The following SDK1 variants were observed in gnomAD, a reference collection of about 807,000 sequenced individuals.
SDK1 encodes sidekick cell adhesion molecule 1.
In SDK1, 157 loss-of-function variants were observed where a neutral mutation model predicts 245.5. The observed-to-expected ratio is 0.64, with a 90% CI of 0.56 to 0.73. The LOEUF is 0.73. Among genes scored for constraint, SDK1 ranks in the 30% least tolerant of loss-of-function variants. The pLI, the probability that SDK1 is intolerant of heterozygous loss-of-function variation, is 0.00. For synonymous variants in SDK1, 1,647 were observed against 1,278.5 expected (o/e 1.29, Z -6.15); for missense variants, 3,583 against 3,002.3 (o/e 1.19, Z -4.52).
intron 1 of SDK1, among the ~76,000 whole-genome samples, chr7:3,392,746 CATG>C (rs1213541309): frequency 6.6e-6 from 1 of 151,968 alleles, no homozygotes; most frequent in African/African-American, 2.4e-5. Flanking sequence ...ATTTTATTTT[CATG>C]ATGTTTTCAA....
intron 2 of SDK1, among the ~76,000 whole-genome samples, chr7:3,627,288 A>G (rs1170493719): frequency 2.0e-5 from 3 of 152,142 alleles, no homozygotes; most frequent in African/African-American, 7.2e-5. Context: ...CTTCCAGGTG[A>G]TGTAATAGCT....
At chr7:4,004,995 A>G (rs900338829) in intron 14 of SDK1, among the ~76,000 whole-genome samples, 1 of 145,022 alleles carries the variant, frequency 6.9e-6, no homozygotes, top group Non-Finnish European at 1.5e-5. Flanking sequence ...CCCAAGTCCT[A>G]GATTAGGATT....
intron 2 of SDK1, among the ~76,000 whole-genome samples, chr7:3,619,815 A>G (rs1349422858): frequency 1.3e-5 from 2 of 152,224 alleles, no homozygotes; most frequent in Admixed American, 6.5e-5. Flanking sequence ...TGGGGTGGAC[A>G]TGATGTGGGG....
chr7:3,449,968 C>A (rs1780461948), intron 1 of SDK1, among the ~76,000 whole-genome samples: 2 of 152,160 alleles, frequency 1.3e-5, no homozygotes, highest in Admixed American at 1.3e-4. Flanking sequence ...ATCAGACTGG[C>A]TGTTGGGGGG....
intron 1 of SDK1, among the ~76,000 whole-genome samples, chr7:3,515,215 C>G (rs1782706196): frequency 6.6e-6 from 1 of 152,136 alleles, no homozygotes; most frequent in Admixed American, 6.6e-5. Context: ...TGAATACTGA[C>G]TCTGAGCCCA....
intron 13 of SDK1, among the ~76,000 whole-genome samples, chr7:3,977,821 C>T (rs1047827359): frequency 6.6e-6 from 1 of 152,190 alleles, no homozygotes; most frequent in African/African-American, 2.4e-5. Context: ...GTTGTATAAC[C>T]GTTGTTCAAT....
intron 1 of SDK1, among the ~76,000 whole-genome samples, chr7:3,585,839 T>TA (rs1331361324): frequency 6.6e-6 from 1 of 152,094 alleles, no homozygotes; most frequent in African/African-American, 2.4e-5. Flanking sequence ...AGCGAGGAAA[T>TA]AAATCTGTTT....
At chr7:3,456,961 G>A (rs1418674261) in intron 1 of SDK1, among the ~76,000 whole-genome samples, 1 of 152,120 alleles carries the variant, frequency 6.6e-6, no homozygotes, top group Non-Finnish European at 1.5e-5. Flanking sequence ...TTGTTCATCT[G>A]CTGCCGATAG....
At chr7:4,247,614 G>C (rs192426189) in intron 44 of SDK1, among the ~76,000 whole-genome samples, 2 of 152,226 alleles carry the variant, frequency 1.3e-5, no homozygotes, top group African/African-American at 4.8e-5. Flanking sequence ...TGCCGCTGCC[G>C]GGCCGCTGCT....
At chr7:4,219,961 A>G (rs1785047831) in intron 38 of SDK1, 148 bp from the exon 39 acceptor site, 3 of 885,966 alleles carry the variant, frequency 3.4e-6, no homozygotes, top group Non-Finnish European at 4.9e-6. Flanking sequence ...AAAATTGGCT[A>G]TTACCACCAT....
chr7:3,686,484 T>C (rs1488317400), intron 4 of SDK1, among the ~76,000 whole-genome samples: 2 of 152,224 alleles, frequency 1.3e-5, no homozygotes, highest in African/African-American at 4.8e-5. Context: ...ACTCATGGGC[T>C]GTACAAGGAC....
intron 1 of SDK1, among the ~76,000 whole-genome samples, chr7:3,476,870 T>G (rs553778498): frequency 6.6e-6 from 1 of 152,166 alleles, no homozygotes; most frequent in East Asian, 1.9e-4. Context: ...AAGAGATGGG[T>G]GTATAACTAG....
chr7:3,975,868 G>C (rs529443087), intron 13 of SDK1, among the ~76,000 whole-genome samples: 5 of 152,258 alleles, frequency 3.3e-5, no homozygotes, highest in South Asian at 4.1e-4. Flanking sequence ...GGCGGCAGTG[G>C]TGCGGGGGTC....
intron 1 of SDK1, among the ~76,000 whole-genome samples, chr7:3,570,550 G>A (rs1379542063): frequency 6.6e-6 from 1 of 152,110 alleles, no homozygotes; most frequent in Non-Finnish European, 1.5e-5. Flanking sequence ...TGGATGAGGA[G>A]GTTTCCCATT....
intron 40 of SDK1, among the ~76,000 whole-genome samples, chr7:4,229,315 C>G (rs1434899102): frequency 6.6e-6 from 1 of 151,964 alleles, no homozygotes; most frequent in Non-Finnish European, 1.5e-5. Context: ...GGAAAATATG[C>G]TAATTTGGGA....
At chr7:3,699,534 C>T (rs1784679714) in intron 4 of SDK1, among the ~76,000 whole-genome samples, 1 of 151,986 alleles carries the variant, frequency 6.6e-6, no homozygotes, top group Non-Finnish European at 1.5e-5. Context: ...ATGGAGAGGA[C>T]AGGGAAAAGA....
chr7:4,107,024 A>G (rs1782968920), intron 22 of SDK1, among the ~76,000 whole-genome samples: 2 of 151,620 alleles, frequency 1.3e-5, no homozygotes, highest in African/African-American at 4.8e-5. Flanking sequence ...AGAGGAGGGC[A>G]GGGAGCTCTA....
chr7:4,124,486 T>G (rs537495399), intron 25 of SDK1, among the ~76,000 whole-genome samples: 2 of 152,280 alleles, frequency 1.3e-5, no homozygotes, highest in South Asian at 2.1e-4. Flanking sequence ...GACAAATTCC[T>G]TTTTTTATAT....
At chr7:3,969,134 G>A in intron 10 of SDK1, 123 bp from the exon 11 acceptor site, 2 of 854,500 alleles carry the variant, frequency 2.3e-6, no homozygotes, top group East Asian at 2.8e-5. Flanking sequence ...ATTGCAATTC[G>A]AGACGAGACT....
Sources: gnomAD v4.1 joint callset for allele counts (sites outside exome capture counted in the v4.1 genomes callset) on GRCh38, gnomAD v4.1.1 for gene constraint, MANE v1.5 for transcripts, NCBI Gene and HGNC (gene_info 2026-07-23, HGNC 2026-07-21) for gene names.